Variants in ASH1L observed in about 807,000 individuals in gnomAD.
ASH1L encodes ASH1 like histone lysine methyltransferase, also known as histone-lysine N-methyltransferase ASH1L.
ASH1L carries 23 observed loss-of-function variants against 269.0 expected under a neutral mutation model. That is an observed-to-expected ratio of 0.09 (90% confidence interval 0.06 to 0.12). The LOEUF (loss-of-function observed/expected upper bound fraction) is 0.12. Among genes scored for constraint, ASH1L ranks in the 10% least tolerant of loss-of-function variants. The pLI is 1.00. For synonymous variants in ASH1L, 1,187 were observed against 1,253.5 expected (o/e 0.95, Z 1.12); for missense variants, 2,912 against 3,567.8 (o/e 0.82, Z 4.68).
chr1:155,411,586 A>AATAAATATATATAT (rs1297131961), intron 6 of ASH1L, among the ~76,000 whole-genome samples: 204 of 55,038 alleles, frequency 3.7e-3, no homozygotes, highest in African/African-American at 7.7e-3. Flanking sequence ...TAAATAAATA[A>AATAAATATATATAT]ATATATATAT....
chr1:155,459,037 C>T (rs1664087031), intron 4 of ASH1L, among the ~76,000 whole-genome samples: 1 of 143,820 alleles, frequency 7.0e-6, no homozygotes. Flanking sequence ...ATAAATTATA[C>T]AAATATGTTG....
intron 1 of ASH1L, among the ~76,000 whole-genome samples, chr1:155,531,156 C>G (rs1669645315): frequency 6.6e-6 from 1 of 150,582 alleles, no homozygotes; most frequent in South Asian, 2.1e-4. Flanking sequence ...AGACCCCCAT[C>G]TCAAAAAACA....
chr1:155,457,070 C>T (rs1267400556), intron 4 of ASH1L, among the ~76,000 whole-genome samples: 1 of 152,092 alleles, frequency 6.6e-6, no homozygotes, highest in Non-Finnish European at 1.5e-5. Flanking sequence ...CTCTGTTAGC[C>T]GGGGTCCTAG....
At chr1:155,525,665 T>C (rs1023666412) in intron 1 of ASH1L, among the ~76,000 whole-genome samples, 1 of 152,112 alleles carries the variant, frequency 6.6e-6, no homozygotes, top group African/African-American at 2.4e-5. Flanking sequence ...TAGACCTATG[T>C]TCTCAGACCT....
chr1:155,474,488 C>T (rs1236978169), intron 3 of ASH1L, among the ~76,000 whole-genome samples: 1 of 152,084 alleles, frequency 6.6e-6, no homozygotes, highest in Non-Finnish European at 1.5e-5. Flanking sequence ...CCTTTGAGCC[C>T]AGGAGTTCAA....
chr1:155,555,916 A>G (rs887403370), intron 1 of ASH1L, among the ~76,000 whole-genome samples: 12 of 101,374 alleles, frequency 1.2e-4, no homozygotes, highest in Admixed American at 2.2e-4. Context: ...AAATTATACA[A>G]TAACTGGAAG....
In ASH1L at chr1:155,481,875, C is replaced by T. The variant is rs1296031074; in HGVS notation, c.995G>A (p.Gly332Glu). 6.2e-7 allele frequency: 1 copy of T among 1,614,152 alleles called. No homozygotes were observed. Among genetic ancestry groups the T allele is most frequent in the Non-Finnish European group, 8.5e-7 (1 of 1,180,000 alleles). The change falls in exon 3 of 28, where the codon GGA (glycine) becomes GAA (glutamate). Residue 332 changes from glycine to glutamate, a missense_variant. By Grantham distance (98) the Gly-to-Glu change is moderately conservative. Around this residue, in one of 13 missense-constraint regions of ASH1L, gnomAD observed 277 missense variants for 367.7 expected, o/e 0.75. Transcript: ENST00000392403. ...GKKPGTITTV[G>E]LLSKDSGKKL... Reference sequence around the variant, plus strand: ...CTTTCCTGAATCTTTGCTTAGCAGTCCTACTGTAGTGATAGTTCCTGGCTT... The same window carrying T: ...CTTTCCTGAATCTTTGCTTAGCAGTTCTACTGTAGTGATAGTTCCTGGCTT...
chr1:155,483,782 A>G (rs907147517), intron 2 of ASH1L, among the ~76,000 whole-genome samples: 1 of 152,090 alleles, frequency 6.6e-6, no homozygotes. Flanking sequence ...AGTAAGGTAC[A>G]TCTGTACAAT....
intron 5 of ASH1L, among the ~76,000 whole-genome samples, chr1:155,418,038 C>T (rs1394352255): frequency 1.3e-5 from 2 of 151,596 alleles, no homozygotes; most frequent in African/African-American, 4.8e-5. Context: ...AACTTAACTG[C>T]CTACCAAAAT....
intron 6 of ASH1L, among the ~76,000 whole-genome samples, chr1:155,414,664 C>T (rs1178917362): frequency 2.0e-5 from 3 of 152,120 alleles, no homozygotes; most frequent in East Asian, 3.9e-4. Flanking sequence ...TTATATGTTC[C>T]TCATCATATA....
chr1:155,356,293 G>A (rs1654382277), intron 15 of ASH1L, among the ~76,000 whole-genome samples: 1 of 152,196 alleles, frequency 6.6e-6, no homozygotes, highest in Non-Finnish European at 1.5e-5. Flanking sequence ...GTCTGATGAA[G>A]CCTATGGAAC....
At chr1:155,399,304 A>T (rs942931680) in intron 6 of ASH1L, among the ~76,000 whole-genome samples, 1 of 152,220 alleles carries the variant, frequency 6.6e-6, no homozygotes, top group Non-Finnish European at 1.5e-5. Flanking sequence ...ACAAGTATGT[A>T]TGTAGATATC....
chr1:155,452,539 C>T (rs1354842175), intron 4 of ASH1L, among the ~76,000 whole-genome samples: 2 of 150,136 alleles, frequency 1.3e-5, no homozygotes, highest in Non-Finnish European at 3.0e-5. Flanking sequence ...TTTAGCCCTG[C>T]TAAGGTGTAA....
intron 3 of ASH1L, among the ~76,000 whole-genome samples, chr1:155,468,436 T>A (rs1411636091): frequency 6.6e-6 from 1 of 152,104 alleles, no homozygotes; most frequent in East Asian, 1.9e-4. Flanking sequence ...GTAAATTAAG[T>A]TCCACCTCCT....
At chr1:155,555,018 C>G (rs568467108) in intron 1 of ASH1L, among the ~76,000 whole-genome samples, 1 of 150,768 alleles carries the variant, frequency 6.6e-6, no homozygotes, top group African/African-American at 2.4e-5. Context: ...TGGCATACAC[C>G]AGTAGTCCCA....
At chr1:155,522,893 G>T (rs1025672732) in intron 1 of ASH1L, among the ~76,000 whole-genome samples, 7 of 152,096 alleles carry the variant, frequency 4.6e-5, no homozygotes, top group Non-Finnish European at 8.8e-5. Flanking sequence ...GTTTCACCAT[G>T]TTGGCCAGGC....
At position 155,352,869 on chromosome 1, in the gene ASH1L, A is replaced by T. The variant is rs879089935; in HGVS notation, c.7214-11T>A. The T allele has an allele frequency of 1.0e-5, 16 of 1,584,300 alleles. No homozygotes were observed. In the South Asian group the frequency reaches 1.9e-4, roughly 18 times the overall value. ...GGGTCATGAAGACATCTGGAAAAAT[A>T]AAGTGAAAATTAAGTTACAGGAAAC... On this transcript the variant is annotated splice_polypyrimidine_tract_variant and intron_variant, in intron 16 of 27. Coordinates refer to ENST00000392403, the MANE Select transcript of ASH1L (RefSeq NM_018489.3).
chr1:155,492,360 G>T (rs1399390967), intron 2 of ASH1L, among the ~76,000 whole-genome samples: 1 of 152,068 alleles, frequency 6.6e-6, no homozygotes, highest in Non-Finnish European at 1.5e-5. Flanking sequence ...CTTATACTTG[G>T]AAAAATCATG....
intron 2 of ASH1L, among the ~76,000 whole-genome samples, chr1:155,488,120 C>G (rs1174662662): frequency 2.7e-5 from 4 of 149,138 alleles, no homozygotes. Context: ...CTCCTGACCT[C>G]GTGATCCACC....
Sources: allele counts gnomAD v4.1 joint callset (sites outside exome capture counted in the v4.1 genomes callset), GRCh38; gene constraint gnomAD v4.1.1; regional missense constraint gnomAD v4.1.1; transcripts MANE v1.5; gene names NCBI Gene and HGNC (gene_info 2026-07-23, HGNC 2026-07-21).